PCGF6: variants seen among roughly 807,000 people sequenced by gnomAD.
PCGF6 encodes the protein polycomb group ring finger 6, also known as polycomb group RING finger protein 6.
A neutral mutation model predicts 45.5 loss-of-function variants in PCGF6; 24 were observed. That is an observed-to-expected ratio of 0.53 (90% CI 0.38 to 0.74). PCGF6 has a LOEUF of 0.74. PCGF6 is among the 30% of genes least tolerant of loss of function. The pLI is 0.00. For synonymous variants in PCGF6, 152 were observed against 162.1 expected, an observed-to-expected ratio of 0.94 and a Z score of 0.47; for missense variants, 356 against 443.2, an observed-to-expected ratio of 0.80 and a Z score of 1.77.
chr10:103,326,494 C>G lies in PCGF6; in HGVS notation c.909+40G>C, dbSNP rs746296762. On this transcript the variant is annotated intron_variant, in intron 8 of 9. Coordinates refer to ENST00000369847, the MANE Select transcript of PCGF6 (RefSeq NM_001011663.2). ...CTTTCTACAGTGTGCTAAAGGTAAGCTCACAACTTTACCTATTCTTTTACA... is the reference window on the plus strand; with the variant it reads ...CTTTCTACAGTGTGCTAAAGGTAAGGTCACAACTTTACCTATTCTTTTACA... 7.5e-6 allele frequency: 10 copies of G among 1,334,110 alleles called. No individual in the cohort carries two copies. In the African/African-American group the frequency reaches 1.5e-4, roughly 20 times the overall value. 82.6% of individuals were successfully genotyped at this position (1,334,110 alleles called of 1,614,324 possible). A position where few individuals can be genotyped will look rare whatever the true frequency, so the allele number is the denominator to read the frequency against.
At chr10:103,324,775 CAA>C (rs1201045698) in intron 8 of PCGF6, among the ~76,000 whole-genome samples, 3 of 86,746 alleles carry the variant, frequency 3.5e-5, no homozygotes, top group African/African-American at 4.0e-5. Context: ...AAAAAAAAAC[CAA>C]AAAAAAAAAA....
At position 103,350,955 on chromosome 10, in the gene PCGF6, G is replaced by C; in HGVS notation, c.112C>G (p.Pro38Ala). The C allele has an allele frequency of 6.8e-7, 1 of 1,470,536 alleles. No homozygotes were observed. The highest frequency in any genetic ancestry group is 9.0e-7 in the Non-Finnish European group (1 of 1,116,482). 91.1% of individuals were successfully genotyped at this position (1,470,536 alleles called of 1,614,324 possible). A position where few individuals can be genotyped will look rare whatever the true frequency, so the allele number is the denominator to read the frequency against. Residue 38 changes from proline to alanine, a missense_variant, in exon 1 of 10, where the codon CCC (proline) becomes GCC (alanine). This residue lies in a region of PCGF6 where 307 missense variants were observed against 350.1 expected (regional missense o/e 0.88). Transcript: ENST00000369847. ...GCCGGTCCCTCCTCACCCGCTGCGG[G>C]TGCAGGGGTGAGGGCGGGCGGGGAG... ...PVSPPALTPAPAAGEEGPAPL... is the reference protein window; with the variant it reads ...PVSPPALTPAAAAGEEGPAPL...
chr10:103,322,919 C>A (rs1158293757), intron 8 of PCGF6, among the ~76,000 whole-genome samples: 2 of 151,614 alleles, frequency 1.3e-5, no homozygotes, highest in Non-Finnish European at 2.9e-5. Flanking sequence ...AAAAAACAAC[C>A]CACAAAACAC....
intron 8 of PCGF6, among the ~76,000 whole-genome samples, chr10:103,321,275 T>G (rs2093196342): frequency 6.6e-6 from 1 of 152,126 alleles, no homozygotes. Context: ...GTAGCTGGGA[T>G]TACAGGTATG....
At chr10:103,305,010 T>C (rs952682366) in intron 9 of PCGF6, among the ~76,000 whole-genome samples, 1 of 152,098 alleles carries the variant, frequency 6.6e-6, no homozygotes, top group Admixed American at 6.6e-5. Flanking sequence ...AAACACAAAC[T>C]GGAGTGCAAT....
At chr10:103,320,866 G>A (rs2093194750) in intron 8 of PCGF6, among the ~76,000 whole-genome samples, 1 of 152,104 alleles carries the variant, frequency 6.6e-6, no homozygotes, top group East Asian at 1.9e-4. Context: ...TCCCACCTGG[G>A]ACTAACTGGT....
At position 103,330,823 on chromosome 10, in the gene PCGF6, G is replaced by T. The variant is rs1482298012; in HGVS notation, c.810+3102C>A. On this transcript the variant is annotated intron_variant, in intron 7 of 9. Coordinates refer to ENST00000369847, the MANE Select transcript of PCGF6 (RefSeq NM_001011663.2). The stretch of plus-strand genomic sequence containing the variant: ...GCGCACCTGTAATACCAGCTACTTG[G>T]GAGGCTGAGGCAGGAGAACTGCTTG... Among the ~76,000 whole-genome samples, 3 of 152,284 alleles carry T rather than the reference G, an allele frequency of 2.0e-5. No homozygotes were observed. The East Asian group carries it at 5.8e-4, about 29-fold the overall frequency.
intron 7 of PCGF6, among the ~76,000 whole-genome samples, chr10:103,331,815 C>A (rs2133580993): frequency 6.6e-6 from 1 of 152,166 alleles, no homozygotes; most frequent in South Asian, 2.1e-4. Flanking sequence ...TTTTTTGAGA[C>A]AGAGTCTCGC....
At chr10:103,347,347 A>G in intron 4 of PCGF6, 48 bp downstream of exon 4, 1 of 1,585,896 alleles carries the variant, frequency 6.3e-7, no homozygotes, top group Non-Finnish European at 8.7e-7. Flanking sequence ...TGTAACTACT[A>G]GAGTCAGAGA....
intron 9 of PCGF6, among the ~76,000 whole-genome samples, chr10:103,305,055 C>A (rs913909804): frequency 1.3e-5 from 2 of 152,032 alleles, no homozygotes; most frequent in African/African-American, 4.8e-5. Context: ...CTCAATCTCC[C>A]AGGCTCAAGT....
intron 6 of PCGF6, among the ~76,000 whole-genome samples, chr10:103,343,532 T>C (rs2093288503): frequency 3.3e-5 from 5 of 151,930 alleles, no homozygotes; most frequent in Admixed American, 3.3e-4. Flanking sequence ...CTACAGTGTA[T>C]GAAAGAAGCA....
In PCGF6 at chr10:103,339,809, AAACACACACACAC is replaced by A. The variant is rs1416569851; in HGVS notation, c.782+5202_782+5214del. On this transcript the variant is annotated intron_variant, in intron 6 of 9. Coordinates refer to ENST00000369847, the MANE Select transcript of PCGF6 (RefSeq NM_001011663.2). ...CGAAATTCTGTCTGTCTCAAAAAAA[AAACACACACACAC>A]ACACACACACACACACACACACACA... Among the ~76,000 whole-genome samples the A allele has an allele frequency of 6.1e-3, 237 of 38,676 alleles. 17 individuals are homozygous for A. Among genetic ancestry groups the A allele is most frequent in the South Asian group, 0.012 (9 of 772 alleles). 25.4% of individuals were successfully genotyped at this position (38,676 alleles called of 152,430 possible).
At chr10:103,342,303 G>C (rs1240411219) in intron 6 of PCGF6, among the ~76,000 whole-genome samples, 3 of 150,606 alleles carry the variant, frequency 2.0e-5, no homozygotes, top group African/African-American at 7.3e-5. Flanking sequence ...GCATAATCTT[G>C]GGTTACTGCA....
intron 9 of PCGF6, among the ~76,000 whole-genome samples, chr10:103,306,293 T>C (rs2093138291): frequency 6.6e-6 from 1 of 152,114 alleles, no homozygotes; most frequent in Admixed American, 6.6e-5. Context: ...AGATGGGGTT[T>C]CTCCATGTTG....
chr10:103,321,064 T>A (rs1481711840), intron 8 of PCGF6, among the ~76,000 whole-genome samples: 1 of 152,220 alleles, frequency 6.6e-6, no homozygotes, highest in African/African-American at 2.4e-5. Flanking sequence ...AATTCTAACA[T>A]TTTGGTTAAA....
chr10:103,310,658 C>T (rs1335514262), intron 9 of PCGF6, among the ~76,000 whole-genome samples: 1 of 151,646 alleles, frequency 6.6e-6, no homozygotes, highest in African/African-American at 2.4e-5. Flanking sequence ...TCCATTGAGA[C>T]AAAGGAACAT....
chr10:103,338,415 G>A (rs1340077022), intron 6 of PCGF6, among the ~76,000 whole-genome samples: 10 of 150,508 alleles, frequency 6.6e-5, no homozygotes, highest in Non-Finnish European at 1.5e-4. Context: ...CGTGGTGGCA[G>A]GCACCTGTAG....
chr10:103,348,752 A>G lies in PCGF6; in HGVS notation c.521T>C (p.Ile174Thr), dbSNP rs1173407052. The change falls in exon 3 of 10, where the codon ATA becomes ACA. Residue 174 changes from isoleucine (I) to threonine (T), a missense_variant. Physicochemically the swap from Ile to Thr is moderately conservative, Grantham distance 89. This residue lies in a region of PCGF6 where 307 missense variants were observed against 350.1 expected (regional missense o/e 0.88). Transcript: ENST00000369847. ...YYSNRCPKCN[I>T]VVHQTQPLYN... The stretch of plus-strand genomic sequence containing the variant: ...AAGAGGTTGTGTCTGATGTACTACT[A>G]TATTGCATTTTGGACATCTGTTGCT... The G allele has an allele frequency of 3.1e-6, 5 of 1,609,492 alleles. No homozygotes were observed. Among genetic ancestry groups the G allele is most frequent in the Non-Finnish European group, 4.3e-6 (5 of 1,176,400 alleles).
chr10:103,326,740 G>A (rs552078980), intron 7 of PCGF6, 108 bp from the exon 8 acceptor site: 22 of 673,064 alleles, frequency 3.3e-5, no homozygotes, highest in East Asian at 6.0e-5. Flanking sequence ...ATTTTATAGC[G>A]AAGATGATTC....
Sources: gnomAD v4.1 joint callset for allele counts (sites outside exome capture counted in the v4.1 genomes callset) on GRCh38, gnomAD v4.1.1 for gene constraint, gnomAD v4.1.1 regional missense constraint, MANE v1.5 for transcripts, NCBI Gene and HGNC (gene_info 2026-07-23, HGNC 2026-07-21) for gene names.